SAFB: variants seen among roughly 807,000 people sequenced by gnomAD.
The protein encoded by SAFB is scaffold attachment factor B, also known as scaffold attachment factor B1.
SAFB carries 15 observed loss-of-function variants against 101.6 expected under a neutral mutation model. That is an observed-to-expected ratio of 0.15 (90% CI 0.10 to 0.23). The LOEUF is 0.23. SAFB is among the 10% of genes least tolerant of loss of function. SAFB has a pLI of 1.00. For missense variants in SAFB, 930 were observed against 1,104.1 expected (o/e 0.84, Z 2.23); for synonymous variants, 449 against 407.5 (o/e 1.10, Z -1.23).
rs1373439210 is a variant in SAFB, at chr19:5,661,526, G to C, written c.1871G>C (p.Arg624Pro). The change falls in exon 15 of 21, where the codon CGT becomes CCT. Residue 624 changes from arginine to proline, a missense_variant. Transcript: ENST00000588852. ...GCTCTACTGTTGTGCAGCAGGGTGC[G>C]TGAACGCAGTGAACGCGAACAACGC... ...SRDSESHSRVRERSEREQRMQ... is the reference protein window; with the variant it reads ...SRDSESHSRVPERSEREQRMQ... 8 of 1,612,614 alleles carry C rather than the reference G, an allele frequency of 5.0e-6. No homozygotes were observed. The highest frequency in any genetic ancestry group is 2.7e-5 in the African/African-American group (2 of 74,950).
intron 8 of SAFB, among the ~76,000 whole-genome samples, chr19:5,650,276 A>G (rs1400279890): frequency 6.6e-6 from 1 of 152,220 alleles, no homozygotes; most frequent in African/African-American, 2.4e-5. Context: ...TTCCTTCTTA[A>G]TCAGTGTTCT....
At chr19:5,660,253 A>G (rs976038931) in intron 14 of SAFB, among the ~76,000 whole-genome samples, 1 of 150,726 alleles carries the variant, frequency 6.6e-6, no homozygotes, top group Non-Finnish European at 1.5e-5. Flanking sequence ...TCACTTCTAG[A>G]TAACTTCTAA....
chr19:5,642,406 A>G lies in SAFB; in HGVS notation c.546+460A>G, dbSNP rs188731036. ...GGCTGTACTAAGCTATGATTGTGCA[A>G]TTGAAGTCCAGCCTGGGTGGCAGAG... On this transcript the variant is annotated intron_variant, in intron 4 of 20. Coordinates refer to ENST00000588852, the MANE Select transcript of SAFB (RefSeq NM_001201338.2). 9.9e-5 allele frequency among the ~76,000 whole-genome samples: 15 copies of G among 152,212 alleles called. No homozygotes were observed. The East Asian group carries it at 2.9e-3, about 29-fold the overall frequency.
Position 5,664,035 on chromosome 19 carries a change from T to C in SAFB, c.2167T>C (p.Tyr723His). Residue 723 changes from tyrosine to histidine, a missense_variant, in exon 16 of 21, where the codon TAT (tyrosine) becomes CAT (histidine). By Grantham distance (83) the Tyr-to-His change is moderately conservative. This residue lies in a region of SAFB where 318 missense variants were observed against 342.6 expected (regional missense o/e 0.93). Coordinates refer to ENST00000588852, the MANE Select transcript of SAFB (RefSeq NM_001201338.2). ...PYDLDRRDDAYWPEAKRAALD... is the reference protein window; with the variant it reads ...PYDLDRRDDAHWPEAKRAALD... Reference sequence around the variant, plus strand: ...GTCCCCTCACAGGCGAGATGATGCCTATTGGCCGGAAGCCAAGCGGGCCGC... The same window carrying C: ...GTCCCCTCACAGGCGAGATGATGCCCATTGGCCGGAAGCCAAGCGGGCCGC... 6.2e-7 allele frequency: 1 copy of C among 1,613,956 alleles called. No homozygotes were observed. Among genetic ancestry groups the C allele is most frequent in the Non-Finnish European group, 8.5e-7 (1 of 1,179,996 alleles).
intron 14 of SAFB, 63 bp from the exon 15 acceptor site, chr19:5,661,455 A>T: frequency 6.3e-7 from 1 of 1,589,738 alleles, no homozygotes; most frequent in Non-Finnish European, 8.6e-7. Flanking sequence ...TCTTACTTAA[A>T]GTCAGCCCTG....
At chr19:5,657,990 G>A (rs940435183) in intron 14 of SAFB, among the ~76,000 whole-genome samples, 1 of 152,116 alleles carries the variant, frequency 6.6e-6, no homozygotes, top group African/African-American at 2.4e-5. Flanking sequence ...TAGACCCAGC[G>A]AGGGCACTGA....
chr19:5,631,524 G>C (rs1370143109), intron 2 of SAFB, among the ~76,000 whole-genome samples: 2 of 152,176 alleles, frequency 1.3e-5, no homozygotes, highest in Non-Finnish European at 1.5e-5. Flanking sequence ...TGAAAATAGA[G>C]GGACTGCTGT....
Position 5,668,384 on chromosome 19 carries a change from G to A in SAFB, c.*93G>A. The A allele has an allele frequency of 7.2e-7, 1 of 1,392,214 alleles. No individual in the cohort carries two copies. Among genetic ancestry groups the A allele is most frequent in the Non-Finnish European group, 9.6e-7 (1 of 1,042,538 alleles). 86.2% of individuals were successfully genotyped at this position (1,392,214 alleles called of 1,614,324 possible). On this transcript the variant is annotated 3_prime_UTR_variant, in exon 21 of 21. Coordinates refer to ENST00000588852, the MANE Select transcript of SAFB (RefSeq NM_001201338.2). ...GTGTAAAAATATTTTTTTTTAATCT[G>A]CTGCCATATTGTAGCTCAATACAAT...
At chr19:5,668,067 C>CT in intron 20 of SAFB, 95 bp from the exon 21 acceptor site, 15 of 1,526,278 alleles carry the variant, frequency 9.8e-6, no homozygotes, top group Non-Finnish European at 1.3e-5. Context: ...GGAAGGGGCC[C>CT]TGCCTGCAGG....
intron 14 of SAFB, among the ~76,000 whole-genome samples, chr19:5,660,592 C>G (rs2054175401): frequency 6.7e-6 from 1 of 150,214 alleles, no homozygotes; most frequent in Non-Finnish European, 1.5e-5. Context: ...AGAAGAAAAT[C>G]TGAGCCTGGG....
At position 5,667,382 on chromosome 19, in the gene SAFB, AGGATGACC is replaced by A. The variant is rs1368895466; in HGVS notation, c.2492_2499del (p.Asp831ValfsTer115). ...GACTGGGGGGACCATGGCCGAAGAG[AGGATGACC>A]GGTCATGGCAGGGCACGGCCGACGG... On this transcript the variant is annotated frameshift_variant, in exon 19 of 21. Coordinates refer to ENST00000588852, the MANE Select transcript of SAFB (RefSeq NM_001201338.2). LOFTEE classifies it high-confidence loss of function. This position sits in a 1 kb window ranked among gnomAD's most constrained non-coding sequence, Gnocchi z 4.0. 2 of 1,510,746 alleles carry A rather than the reference AGGATGACC, an allele frequency of 1.3e-6. No individual in the cohort carries two copies. Among genetic ancestry groups the A allele is most frequent in the African/African-American group, 2.8e-5 (2 of 70,224 alleles). The allele number at this position is 1,510,746 out of a possible 1,614,324, so 93.6% of individuals were successfully genotyped here.
Position 5,623,115 on chromosome 19 carries a change from T to A in SAFB, c.-91T>A. The A allele has an allele frequency of 7.6e-7, 1 of 1,322,424 alleles. No homozygotes were observed. Among genetic ancestry groups the A allele is most frequent in the Non-Finnish European group, 1.0e-6 (1 of 955,078 alleles). 81.9% of individuals were successfully genotyped at this position (1,322,424 alleles called of 1,614,324 possible). On this transcript the variant is annotated 5_prime_UTR_variant, in exon 1 of 21. Coordinates refer to ENST00000588852, the MANE Select transcript of SAFB (RefSeq NM_001201338.2). ...AGGCGCGCTGGGGCGACTGGAGCGGTTCCCTCGCAGGCGGCGCCATTTTGT... is the reference window on the plus strand; with the variant it reads ...AGGCGCGCTGGGGCGACTGGAGCGGATCCCTCGCAGGCGGCGCCATTTTGT...
intron 14 of SAFB, among the ~76,000 whole-genome samples, chr19:5,659,522 C>T (rs2054146521): frequency 6.6e-6 from 1 of 151,858 alleles, no homozygotes; most frequent in African/African-American, 2.4e-5. Flanking sequence ...ACTGGGACTA[C>T]AGGCGCCTGC....
At chr19:5,663,884 C>G in intron 15 of SAFB, 138 bp from the exon 16 acceptor site, 7 of 904,054 alleles carry the variant, frequency 7.7e-6, no homozygotes, top group Non-Finnish European at 1.2e-5. Context: ...TCAAATCAGA[C>G]CTTGCCTCCT....
intron 5 of SAFB, among the ~76,000 whole-genome samples, chr19:5,646,556 T>C (rs1052834072): frequency 2.0e-5 from 3 of 152,250 alleles, no homozygotes; most frequent in African/African-American, 7.2e-5. Flanking sequence ...GGAAGAATTA[T>C]TCTGCCAACA....
intron 14 of SAFB, among the ~76,000 whole-genome samples, chr19:5,658,075 G>T (rs998965325): frequency 2.0e-5 from 3 of 151,818 alleles, no homozygotes; most frequent in Non-Finnish European, 4.4e-5. Flanking sequence ...TCAGCTCACC[G>T]CAGCCTCCAC....
chr19:5,665,422 C>G (rs2054306306), intron 17 of SAFB: 1 of 152,126 alleles, frequency 6.6e-6, no homozygotes, highest in African/African-American at 2.4e-5. Context: ...GGGTAATATT[C>G]CTCCTACAAA....
rs770596861 is a variant in SAFB at position 5,623,189 on chromosome 19, G to A, written c.-17G>A. The A allele has an allele frequency of 1.5e-5, 24 of 1,565,766 alleles. No homozygotes were observed. The highest frequency in any genetic ancestry group is 3.5e-5 in the South Asian group (3 of 86,084). ...CCGGTTCTGTGGAAAGTGGGCGGCG[G>A]AGCCAGGGTCCCTGGAATGGCGGAG... On this transcript the variant is annotated 5_prime_UTR_variant, in exon 1 of 21. Transcript: ENST00000588852.
chr19:5,658,458 C>T (rs758033843), intron 14 of SAFB, among the ~76,000 whole-genome samples: 29 of 152,278 alleles, frequency 1.9e-4, no homozygotes, highest in South Asian at 8.3e-4. Flanking sequence ...TTCGGGAGGC[C>T]GAGGCTGGTG....
Sources: gnomAD v4.1 joint callset for allele counts (sites outside exome capture counted in the v4.1 genomes callset) on GRCh38, gnomAD v4.1.1 for gene constraint, gnomAD v4.1.1 regional missense constraint, Gnocchi (gnomAD v3.1) non-coding constraint, MANE v1.5 for transcripts, NCBI Gene and HGNC (gene_info 2026-07-23, HGNC 2026-07-21) for gene names.